Variants in MTX2 observed in about 807,000 individuals in gnomAD.
MTX2 encodes metaxin 2, also known as metaxin-2.
In MTX2, 35 loss-of-function variants were observed where a neutral mutation model predicts 42.3. That is an observed-to-expected ratio of 0.83 (90% CI 0.63 to 1.10). The LOEUF (loss-of-function observed/expected upper bound fraction) is 1.10, where lower values mean the gene tolerates loss of function less well. Ranked by LOEUF, MTX2 falls within the 50% of genes least tolerant of loss-of-function variation. MTX2 has a pLI of 0.00. For missense variants in MTX2, 307 were observed against 304.1 expected (o/e 1.01, Z -0.07); for synonymous variants, 119 against 100.9 (o/e 1.18, Z -1.08).
chr2:176,317,996 A>T (rs1217880638), intron 3 of MTX2, among the ~76,000 whole-genome samples: 1 of 151,912 alleles, frequency 6.6e-6, no homozygotes, highest in African/African-American at 2.4e-5. Context: ...TTGATTTTCT[A>T]CTGTGCAAAC....
At chr2:176,288,864 AATCCTCTTAT>A (rs1171538636) in intron 1 of MTX2, among the ~76,000 whole-genome samples, 1 of 151,982 alleles carries the variant, frequency 6.6e-6, no homozygotes, top group Non-Finnish European at 1.5e-5. Flanking sequence ...CCCTTCTCTT[AATCCTCTTAT>A]ATTAGATCAT....
At chr2:176,279,486 A>T (rs1488789434) in intron 1 of MTX2, among the ~76,000 whole-genome samples, 1 of 152,134 alleles carries the variant, frequency 6.6e-6, no homozygotes, top group African/African-American at 2.4e-5. Context: ...ATGTTTTGGC[A>T]TTATGAATTA....
chr2:176,287,770 C>T (rs1023229085), intron 1 of MTX2, among the ~76,000 whole-genome samples: 1 of 152,048 alleles, frequency 6.6e-6, no homozygotes, highest in Non-Finnish European at 1.5e-5. Flanking sequence ...CTATTTTGTC[C>T]TAGAATGTTT....
At chr2:176,280,730 A>G (rs573473966) in intron 1 of MTX2, among the ~76,000 whole-genome samples, 37 of 152,252 alleles carry the variant, frequency 2.4e-4, no homozygotes, top group Non-Finnish European at 4.1e-4. Context: ...TCCACAAGTC[A>G]GTCAATGTTG....
chr2:176,297,652 A>G (rs1050804251), intron 2 of MTX2, among the ~76,000 whole-genome samples, 197 bp from the exon 3 acceptor site: 1 of 152,162 alleles, frequency 6.6e-6, no homozygotes, highest in African/African-American at 2.4e-5. Context: ...TAAGTGATCA[A>G]ATAGTTTTAG....
At chr2:176,287,235 C>G (rs981555934) in intron 1 of MTX2, among the ~76,000 whole-genome samples, 3 of 152,186 alleles carry the variant, frequency 2.0e-5, no homozygotes, top group African/African-American at 7.2e-5. Flanking sequence ...TGGTGCCTGA[C>G]ACTTTATATG....
intron 4 of MTX2, among the ~76,000 whole-genome samples, chr2:176,325,909 T>G (rs1684695767): frequency 6.6e-6 from 1 of 151,740 alleles, no homozygotes; most frequent in African/African-American, 2.4e-5. Flanking sequence ...GTCCTATGGA[T>G]GCAGTTGAAG....
At chr2:176,336,024 T>C (rs530464566) in intron 9 of MTX2, among the ~76,000 whole-genome samples, 12 of 152,232 alleles carry the variant, frequency 7.9e-5, no homozygotes, top group African/African-American at 2.6e-4. Flanking sequence ...AGTGATAGTA[T>C]TGGAGTTCAA....
intron 3 of MTX2, among the ~76,000 whole-genome samples, chr2:176,321,233 T>G (rs1267979949): frequency 6.6e-6 from 1 of 152,172 alleles, no homozygotes; most frequent in African/African-American, 2.4e-5. Flanking sequence ...ATGATTTTGA[T>G]GCATGCTGAA....
In MTX2 at chr2:176,315,930, A is replaced by G. The variant is rs541157912; in HGVS notation, c.136-7462A>G. Among the ~76,000 whole-genome samples, 3 of 152,126 alleles carry G rather than the reference A, an allele frequency of 2.0e-5. No individual in the cohort carries two copies. The South Asian group carries it at 6.2e-4, about 32-fold the overall frequency. On this transcript the variant is annotated intron_variant, in intron 3 of 9. Transcript: ENST00000249442. ...CTATATTTAATAGCCATACCTTTAC[A>G]CTGCTTTGTATTTCTAAGTAGCAGG...
chr2:176,306,758 G>A (rs1011238007), intron 3 of MTX2, among the ~76,000 whole-genome samples: 1 of 152,064 alleles, frequency 6.6e-6, no homozygotes. Flanking sequence ...TGATGGGGTT[G>A]TTTTTTTCTT....
At position 176,329,475 on chromosome 2, in the gene MTX2, AG is replaced by A; in HGVS notation, c.543+50del. On this transcript the variant is annotated intron_variant, in intron 8 of 9. Transcript: ENST00000249442. ...AAACCCTCAACTTTTATGCATTAAA[AG>A]AATCATTCTTTATATTGATACTCCT... 1.2e-5 allele frequency: 18 copies of A among 1,542,592 alleles called. No homozygotes were observed. In the South Asian group the frequency reaches 2.2e-4, roughly 19 times the overall value.
At chr2:176,282,710 G>GT (rs768992563) in intron 1 of MTX2, among the ~76,000 whole-genome samples, 8,499 of 138,806 alleles carry the variant, frequency 0.061, 366 homozygotes, top group East Asian at 0.16. Context: ...TTTTTTTTTT[G>GT]TTTTTTTTTT....
intron 1 of MTX2, among the ~76,000 whole-genome samples, chr2:176,278,419 G>A (rs1693000956): frequency 6.6e-6 from 1 of 152,056 alleles, no homozygotes. Flanking sequence ...CCCTTCAGAG[G>A]CTTGTTTTCT....
intron 3 of MTX2, among the ~76,000 whole-genome samples, chr2:176,314,385 C>T (rs959441502): frequency 2.6e-5 from 4 of 151,044 alleles, no homozygotes; most frequent in Non-Finnish European, 4.4e-5. Context: ...TATGGTGAGT[C>T]GAGATTGCAC....
chr2:176,297,438 G>A (rs1683914013), intron 2 of MTX2, among the ~76,000 whole-genome samples: 1 of 152,116 alleles, frequency 6.6e-6, no homozygotes, highest in South Asian at 2.1e-4. Flanking sequence ...CCACGAACTT[G>A]TCATCTTTCT....
intron 1 of MTX2, among the ~76,000 whole-genome samples, chr2:176,284,291 T>C (rs933662886): frequency 6.6e-6 from 1 of 152,146 alleles, no homozygotes; most frequent in African/African-American, 2.4e-5. Flanking sequence ...CATAACCATT[T>C]GAGAACATGA....
chr2:176,293,483 T>TG lies in MTX2; in HGVS notation c.41-3372dup, dbSNP rs1319855610. 9.2e-5 allele frequency among the ~76,000 whole-genome samples: 14 copies of TG among 152,264 alleles called. No homozygotes were observed. The East Asian group carries it at 2.7e-3, about 29-fold the overall frequency. Reference sequence around the variant, plus strand: ...GGTCCTGGTGGAGGTGTTTGGGTCATGGGGGTGGATCCCTCATGAATGGCT... The same window carrying TG: ...GGTCCTGGTGGAGGTGTTTGGGTCATGGGGGGTGGATCCCTCATGAATGGCT... On this transcript the variant is annotated intron_variant, in intron 1 of 9. Transcript: ENST00000249442.
chr2:176,288,329 G>T (rs1693253141), intron 1 of MTX2, among the ~76,000 whole-genome samples: 1 of 151,924 alleles, frequency 6.6e-6, no homozygotes, highest in Non-Finnish European at 1.5e-5. Context: ...TTTGAGTATG[G>T]TGTCTATGTT....
Sources: gnomAD v4.1 joint callset for allele counts (sites outside exome capture counted in the v4.1 genomes callset) on GRCh38, gnomAD v4.1.1 for gene constraint, MANE v1.5 for transcripts, NCBI Gene and HGNC (gene_info 2026-07-23, HGNC 2026-07-21) for gene names.